Variants in GPR89A observed in about 807,000 individuals in gnomAD.
GPR89A encodes the protein golgi pH regulator A.
A neutral mutation model predicts 52.0 loss-of-function variants in GPR89A; 16 were observed. That is an observed-to-expected ratio of 0.31 (90% CI 0.21 to 0.47). The LOEUF (loss-of-function observed/expected upper bound fraction) is 0.47, where lower values mean the gene tolerates loss of function less well. Among genes scored for constraint, GPR89A ranks in the 20% least tolerant of loss-of-function variants. The pLI, the probability that GPR89A is intolerant of heterozygous loss-of-function variation, is 1.00. For missense variants in GPR89A, 135 were observed against 449.4 expected, an observed-to-expected ratio of 0.30 and a Z score of 6.33; for synonymous variants, 55 against 150.9, an observed-to-expected ratio of 0.36 and a Z score of 4.66.
At chr1:145,630,341 GT>G (rs1222485873) in intron 5 of GPR89A, among the ~76,000 whole-genome samples, 1 of 66,106 alleles carries the variant, frequency 1.5e-5, no homozygotes, top group Non-Finnish European at 2.8e-5. Flanking sequence ...TACTTTCTTA[GT>G]TTTTTTTTTT....
chr1:145,634,070 T>C (rs1337034385), intron 7 of GPR89A, among the ~76,000 whole-genome samples: 1 of 119,442 alleles, frequency 8.4e-6, no homozygotes, highest in Admixed American at 1.1e-4. Flanking sequence ...GAATGGAATA[T>C]TGTCTATTGT....
At chr1:145,643,015 T>G (rs1240092541) in intron 7 of GPR89A, among the ~76,000 whole-genome samples, 1 of 147,704 alleles carries the variant, frequency 6.8e-6, no homozygotes, top group Admixed American at 6.9e-5. Flanking sequence ...ACTTAGAGAC[T>G]GATATTTTAG....
chr1:145,614,460 G>C (rs1318875544), intron 1 of GPR89A, among the ~76,000 whole-genome samples: 3 of 152,172 alleles, frequency 2.0e-5, no homozygotes, highest in Non-Finnish European at 4.4e-5. Context: ...AGCATAGCAC[G>C]TAGGAGTTAT....
intron 7 of GPR89A, among the ~76,000 whole-genome samples, chr1:145,643,587 G>T (rs2624747): frequency 1.4e-4 from 22 of 152,290 alleles, no homozygotes; most frequent in Non-Finnish European, 2.8e-4. Flanking sequence ...ACCATCCAGA[G>T]ATGAGGAGAT....
At chr1:145,617,059 T>TA (rs1387402831) in intron 2 of GPR89A, among the ~76,000 whole-genome samples, 1 of 152,168 alleles carries the variant, frequency 6.6e-6, no homozygotes. Flanking sequence ...GACTAGAATT[T>TA]ACCAGGCTGG....
chr1:145,663,508 A>T, intron 11 of GPR89A, 84 bp downstream of exon 11: 1 of 1,560,888 alleles, frequency 6.4e-7, no homozygotes, highest in Non-Finnish European at 8.7e-7. Flanking sequence ...TAATTTGTAT[A>T]CTTTAGGTAC....
At chr1:145,664,263 G>A (rs1272511954) in intron 11 of GPR89A, among the ~76,000 whole-genome samples, 1 of 152,186 alleles carries the variant, frequency 6.6e-6, no homozygotes, top group Non-Finnish European at 1.5e-5. Flanking sequence ...ACAGCTCAAT[G>A]TACATGTTTC....
At position 145,608,018 on chromosome 1, in the gene GPR89A, C is replaced by G. The variant is rs1647914093; in HGVS notation, c.-116C>G. The G allele has an allele frequency of 8.2e-7, 1 of 1,223,324 alleles. No homozygotes were observed. Among genetic ancestry groups the G allele is most frequent in the East Asian group, 2.5e-5 (1 of 40,486 alleles). 75.8% of individuals were successfully genotyped at this position (1,223,324 alleles called of 1,614,324 possible). A position where few individuals can be genotyped will look rare whatever the true frequency, so the allele number is the denominator to read the frequency against. On this transcript the variant is annotated 5_prime_UTR_variant, in exon 1 of 14. Transcript: ENST00000313835. ...TTGATGGCGTCGGGCTGGAGAGCCG[C>G]AGTCCCGGCTGCAGCACCTGGGAGA...
In GPR89A at chr1:145,616,312, G is replaced by A; in HGVS notation, c.102+19G>A. 6.3e-7 allele frequency: 1 copy of A among 1,594,872 alleles called. No homozygotes were observed. Among genetic ancestry groups the A allele is most frequent in the African/African-American group, 1.4e-5 (1 of 72,166 alleles). On this transcript the variant is annotated intron_variant, in intron 2 of 13. Transcript: ENST00000313835. ...CTATGAGGTGAGAAGAAATCATTTT[G>A]TCATACTTACACTATATGATTTAGA...
At position 145,647,934 on chromosome 1, in the gene GPR89A, G is replaced by T. The variant is rs1374370474; in HGVS notation, c.909+667G>T. Among the ~76,000 whole-genome samples the T allele has an allele frequency of 8.9e-4, 94 of 105,054 alleles. 2 individuals carry two copies. Among genetic ancestry groups the T allele is most frequent in the Admixed American group, 2.6e-3 (25 of 9,586 alleles). 68.9% of individuals were successfully genotyped at this position (105,054 alleles called of 152,430 possible). ...ATAGAATGTGAACATTTCTTATTTT[G>T]CATTCTGCTTTCTGTGTTACCCATG... On this transcript the variant is annotated intron_variant, in intron 10 of 13. Transcript: ENST00000313835.
chr1:145,654,678 T>C (rs1651695782), intron 10 of GPR89A, among the ~76,000 whole-genome samples: 1 of 152,028 alleles, frequency 6.6e-6, no homozygotes, highest in South Asian at 2.1e-4. Context: ...CTGTCCTTTC[T>C]GGCTGCCCTT....
intron 1 of GPR89A, among the ~76,000 whole-genome samples, chr1:145,615,418 A>T (rs1648603900): frequency 6.6e-6 from 1 of 151,386 alleles, no homozygotes. Flanking sequence ...ATCATGGCTC[A>T]CTGCAGCCTC....
rs2101840589 is a variant in GPR89A at position 145,663,432 on chromosome 1, T to C, written c.1005+8T>C. On this transcript the variant is annotated splice_region_variant and intron_variant, in intron 11 of 13. Transcript: ENST00000313835. ...CTGGGAATCCAATTTGATGTAAGTG[T>C]TATATCAAGATCCTGGTTTGTCATG... 1 of 1,610,378 alleles carries C rather than the reference T, an allele frequency of 6.2e-7. No homozygotes were observed. The highest frequency in any genetic ancestry group is 2.2e-5 in the East Asian group (1 of 44,822).
At chr1:145,642,588 T>G (rs1462165342) in intron 7 of GPR89A, among the ~76,000 whole-genome samples, 5 of 152,224 alleles carry the variant, frequency 3.3e-5, no homozygotes, top group African/African-American at 1.2e-4. Flanking sequence ...CTCAAAAAAT[T>G]TCACCCATAG....
Position 145,669,695 on chromosome 1 carries a change from G to C in GPR89A, c.1161+5G>C, listed in dbSNP as rs1553697135. On this transcript the variant is annotated splice_donor_5th_base_variant and intron_variant, in intron 13 of 13. Coordinates refer to ENST00000313835, the MANE Select transcript of GPR89A (RefSeq NM_001097612.2). ...CTGCTATTAGCACAGATAATGGTAA[G>C]TTTAATTAGTTACCTTTATGTTTAC... is the stretch of plus-strand genomic sequence containing the variant. The C allele has an allele frequency of 6.8e-6, 11 of 1,611,474 alleles. No homozygotes were observed. In the South Asian group the frequency reaches 1.2e-4, roughly 18 times the overall value.
intron 7 of GPR89A, among the ~76,000 whole-genome samples, chr1:145,636,222 A>G (rs1553690722): frequency 6.6e-6 from 1 of 152,052 alleles, no homozygotes. Flanking sequence ...CAGAGCAGAT[A>G]GACAGCAAAC....
intron 3 of GPR89A, among the ~76,000 whole-genome samples, chr1:145,621,735 A>G (rs1194933759): frequency 5.9e-5 from 9 of 152,116 alleles, no homozygotes; most frequent in Non-Finnish European, 1.2e-4. Context: ...TAGTTTAATC[A>G]TATAATACAA....
chr1:145,636,987 C>T (rs1650286862), intron 7 of GPR89A, among the ~76,000 whole-genome samples: 1 of 152,232 alleles, frequency 6.6e-6, no homozygotes, highest in Non-Finnish European at 1.5e-5. Flanking sequence ...TCCAAAATCT[C>T]AGTATAAACC....
intron 10 of GPR89A, among the ~76,000 whole-genome samples, chr1:145,661,005 A>T (rs1273113793): frequency 6.6e-6 from 1 of 152,050 alleles, no homozygotes; most frequent in East Asian, 1.9e-4. Context: ...ACACATGCAC[A>T]CGTATGTTTA....
Sources: gnomAD v4.1 joint callset for allele counts (sites outside exome capture counted in the v4.1 genomes callset) on GRCh38, gnomAD v4.1.1 for gene constraint, MANE v1.5 for transcripts, NCBI Gene and HGNC (gene_info 2026-07-23, HGNC 2026-07-21) for gene names.